The following MRPS21 variants were observed in gnomAD, a reference collection of about 807,000 sequenced individuals.
MRPS21 encodes mitochondrial ribosomal protein S21, also known as small ribosomal subunit protein bS21m.
MRPS21 carries 8 observed loss-of-function variants against 9.9 expected under a neutral mutation model. The observed-to-expected ratio is 0.81, with a 90% CI of 0.47 to 1.45. MRPS21 has a LOEUF of 1.45. Ranked by LOEUF, MRPS21 falls within the 40% of genes most tolerant of loss-of-function variation. The probability of loss-of-function intolerance (pLI) is 0.00; values close to 1 mark genes in which losing one functional copy is unlikely to be tolerated. For synonymous variants in MRPS21, 40 were observed against 40.3 expected, an observed-to-expected ratio of 0.99 and a Z score of 0.03; for missense variants, 101 against 118.9, an observed-to-expected ratio of 0.85 and a Z score of 0.70.
chr1:150,301,895 G>T (rs2101908177), intron 2 of MRPS21, among the ~76,000 whole-genome samples: 1 of 152,284 alleles, frequency 6.6e-6, no homozygotes, highest in East Asian at 1.9e-4. Flanking sequence ...ACCGTGCCCG[G>T]CCTCTTAGAA....
Position 150,298,082 on chromosome 1 carries a change from C to T in MRPS21, c.83+3633C>T, listed in dbSNP as rs1401038952. 4.0e-5 allele frequency among the ~76,000 whole-genome samples: 6 copies of T among 151,830 alleles called. No homozygotes were observed. The East Asian group carries it at 9.7e-4, about 25-fold the overall frequency. On this transcript the variant is annotated intron_variant, in intron 2 of 2. Transcript: ENST00000614145. Reference sequence around the variant, plus strand: ...CTGAGTAGCTGGGATTACAGGCATGCGCCACCAAGCCCAGCTAATTTTGTA... The same window carrying T: ...CTGAGTAGCTGGGATTACAGGCATGTGCCACCAAGCCCAGCTAATTTTGTA...
chr1:150,294,896 C>CAAAAAA (rs143847321), intron 2 of MRPS21, among the ~76,000 whole-genome samples: 63,026 of 135,432 alleles, frequency 0.47, 15,836 homozygotes, highest in East Asian at 0.75. Context: ...GACTCTATCT[C>CAAAAAA]AAAAAAAAAG....
At chr1:150,295,705 G>A (rs1653891407) in intron 2 of MRPS21, among the ~76,000 whole-genome samples, 1 of 152,136 alleles carries the variant, frequency 6.6e-6, no homozygotes, top group Admixed American at 6.6e-5. Flanking sequence ...GGGAAGCCTA[G>A]TGGGGAGGAT....
chr1:150,297,664 C>CAAA (rs71652043), intron 2 of MRPS21, among the ~76,000 whole-genome samples: 83 of 149,570 alleles, frequency 5.5e-4, no homozygotes, highest in African/African-American at 1.6e-3. Context: ...GAGTAAGACT[C>CAAA]AAAAAAAAAA....
At chr1:150,295,086 C>A (rs1489188656) in intron 2 of MRPS21, among the ~76,000 whole-genome samples, 1 of 149,684 alleles carries the variant, frequency 6.7e-6, no homozygotes, top group Non-Finnish European at 1.5e-5. Flanking sequence ...AGCTCCGCTT[C>A]CTGGGTTCAC....
chr1:150,302,230 G>A (rs1047284084), intron 2 of MRPS21, among the ~76,000 whole-genome samples: 1 of 152,176 alleles, frequency 6.6e-6, no homozygotes, highest in Admixed American at 6.6e-5. Context: ...GCTTTACCAT[G>A]TTTGGAGTAC....
At chr1:150,296,726 A>G (rs1386764512) in intron 2 of MRPS21, among the ~76,000 whole-genome samples, 2 of 149,904 alleles carry the variant, frequency 1.3e-5, no homozygotes, top group Non-Finnish European at 3.0e-5. Flanking sequence ...AGCCTAAAGC[A>G]CATCTTTTTA....
intron 2 of MRPS21, among the ~76,000 whole-genome samples, chr1:150,306,773 G>T (rs1341387948): frequency 6.6e-6 from 1 of 152,100 alleles, no homozygotes; most frequent in Non-Finnish European, 1.5e-5. Flanking sequence ...GGAATTACAG[G>T]TGTGAGCCAC....
chr1:150,294,129 TTTC>T, intron 1 of MRPS21: 1 of 452,766 alleles, frequency 2.2e-6, no homozygotes, highest in East Asian at 4.1e-5. Flanking sequence ...TGCCATCTCT[TTTC>T]TTCTCTATGC....
intron 2 of MRPS21, among the ~76,000 whole-genome samples, chr1:150,299,335 G>A (rs1654026186): frequency 6.6e-6 from 1 of 151,926 alleles, no homozygotes; most frequent in Non-Finnish European, 1.5e-5. Flanking sequence ...CTTTGTCTAA[G>A]ATTGTCTATA....
chr1:150,296,908 T>C (rs1410084906), intron 2 of MRPS21, among the ~76,000 whole-genome samples: 1 of 151,806 alleles, frequency 6.6e-6, no homozygotes, highest in African/African-American at 2.4e-5. Flanking sequence ...TCTTGAGGAC[T>C]GAGAGGGCAA....
intron 2 of MRPS21, chr1:150,303,765 G>T (rs587639496): frequency 6.0e-6 from 2 of 334,744 alleles, no homozygotes; most frequent in Non-Finnish European, 1.2e-5. Context: ...ATATGCCATC[G>T]TAGTAAAGGT....
chr1:150,293,907 T>C lies in MRPS21; in HGVS notation c.-33+9T>C, dbSNP rs1476096790. The C allele has an allele frequency of 1.7e-5, 3 of 178,040 alleles. No homozygotes were observed. The highest frequency in any genetic ancestry group is 1.1e-4 in the South Asian group (1 of 8,796). 11.0% of individuals were successfully genotyped at this position (178,040 alleles called of 1,614,324 possible). A position where few individuals can be genotyped will look rare whatever the true frequency, so the allele number is the denominator to read the frequency against. ...GGTACTGAGCGCGCGAGGTGAGGAG[T>C]TGTGCAGGGTTTGGGGAAAGGAAGG... On this transcript the variant is annotated intron_variant, in intron 1 of 2. Coordinates refer to ENST00000614145, the MANE Select transcript of MRPS21 (RefSeq NM_031901.6).
chr1:150,300,284 A>G (rs1560063801), intron 2 of MRPS21, among the ~76,000 whole-genome samples: 1 of 151,956 alleles, frequency 6.6e-6, no homozygotes, highest in Non-Finnish European at 1.5e-5. Context: ...TGGAGGTTGC[A>G]GTGAGCCGAG....
At chr1:150,299,484 C>T (rs1449967611) in intron 2 of MRPS21, among the ~76,000 whole-genome samples, 4 of 151,516 alleles carry the variant, frequency 2.6e-5, no homozygotes, top group African/African-American at 7.3e-5. Context: ...GACGATGTCT[C>T]GCTCTTGTCC....
At chr1:150,297,191 T>A (rs1266601421) in intron 2 of MRPS21, among the ~76,000 whole-genome samples, 9 of 151,400 alleles carry the variant, frequency 5.9e-5, no homozygotes, top group African/African-American at 9.7e-5. Flanking sequence ...CTGAGGAGGC[T>A]GAGACAGGAG....
At chr1:150,294,856 C>A (rs1653855071) in intron 2 of MRPS21, among the ~76,000 whole-genome samples, 1 of 147,036 alleles carries the variant, frequency 6.8e-6, no homozygotes, top group Non-Finnish European at 1.5e-5. Flanking sequence ...CAAGATCGAG[C>A]CACTTGCACT....
In MRPS21 at chr1:150,308,203, G is replaced by C. The variant is rs773014515; in HGVS notation, c.239G>C (p.Arg80Pro). Residue 80 changes from arginine (R) to proline (P), a missense_variant, in exon 3 of 3, where the codon CGG becomes CCG. Arg to Pro is a moderately radical substitution (Grantham distance 103). Transcript: ENST00000614145. ...RKINFLMRKN[R>P]ADPWQGC The stretch of plus-strand genomic sequence containing the variant: ...ATCAACTTCTTGATGCGAAAGAATC[G>C]GGCAGATCCGTGGCAGGGCTGCTGA... 1.3e-6 allele frequency: 2 copies of C among 1,599,642 alleles called. No individual in the cohort carries two copies. Among genetic ancestry groups the C allele is most frequent in the Non-Finnish European group, 1.7e-6 (2 of 1,167,942 alleles).
Position 150,294,321 on chromosome 1 carries a change from C to T in MRPS21, c.-32-14C>T, listed in dbSNP as rs782366375. The T allele has an allele frequency of 1.2e-5, 19 of 1,528,262 alleles. No individual in the cohort carries two copies. Among genetic ancestry groups the T allele is most frequent in the Non-Finnish European group, 1.7e-5 (19 of 1,104,060 alleles). The allele number at this position is 1,528,262 out of a possible 1,614,324, so 94.7% of individuals were successfully genotyped here. A position where few individuals can be genotyped will look rare whatever the true frequency, so the allele number is the denominator to read the frequency against. On this transcript the variant is annotated splice_polypyrimidine_tract_variant and intron_variant, in intron 1 of 2. Coordinates refer to ENST00000614145, the MANE Select transcript of MRPS21 (RefSeq NM_031901.6). ...TCTTTCTGCTTTCCTCGCCCTTTCT[C>T]CATCATCCTTTAGGCTCTACAGAGT...
Sources: gnomAD v4.1 joint callset for allele counts (sites outside exome capture counted in the v4.1 genomes callset) on GRCh38, gnomAD v4.1.1 for gene constraint, MANE v1.5 for transcripts, NCBI Gene and HGNC (gene_info 2026-07-23, HGNC 2026-07-21) for gene names.